ANGPTL5: variants seen among roughly 807,000 people sequenced by gnomAD.
ANGPTL5 encodes the protein angiopoietin-related protein 5.
ANGPTL5 carries 34 observed loss-of-function variants against 39.4 expected under a neutral mutation model. The observed-to-expected ratio is 0.86, with a 90% confidence interval of 0.66 to 1.15. The LOEUF (loss-of-function observed/expected upper bound fraction) is 1.15. Ranked by LOEUF, ANGPTL5 falls within the 50% of genes most tolerant of loss-of-function variation. The pLI is 0.00. For missense variants in ANGPTL5, 467 were observed against 457.5 expected, an observed-to-expected ratio of 1.02 and a Z score of -0.19; for synonymous variants, 146 against 152.1, an observed-to-expected ratio of 0.96 and a Z score of 0.29.
At position 101,907,805 on chromosome 11, in the gene ANGPTL5, A is replaced by T; in HGVS notation, c.96+9T>A. On this transcript the variant is annotated intron_variant, in intron 2 of 8. Transcript: ENST00000334289. ...TTCCTAGCTAATATAATATTGCTAA[A>T]ATTCTTACCGTAGAATGATGTACAC... is the stretch of plus-strand genomic sequence containing the variant. 1 of 1,564,176 alleles carries T rather than the reference A, an allele frequency of 6.4e-7. No homozygotes were observed. Among genetic ancestry groups the T allele is most frequent in the Non-Finnish European group, 8.8e-7 (1 of 1,135,532 alleles).
intron 5 of ANGPTL5, 84 bp from the exon 6 acceptor site, chr11:101,902,805 A>G: frequency 2.6e-6 from 2 of 784,310 alleles, no homozygotes; most frequent in South Asian, 3.5e-5. Context: ...TGATAGTGCT[A>G]TTATCATAAT....
At chr11:101,911,299 T>A (rs1288130566) in intron 1 of ANGPTL5, among the ~76,000 whole-genome samples, 1 of 151,498 alleles carries the variant, frequency 6.6e-6, no homozygotes, top group Non-Finnish European at 1.5e-5. Context: ...AATTTTTGTG[T>A]TTTTAGTAGA....
intron 3 of ANGPTL5, 94 bp downstream of exon 3, chr11:101,907,009 T>A: frequency 1.0e-6 from 1 of 968,946 alleles, no homozygotes. Context: ...GTATAGAAAA[T>A]GACCCAGACA....
chr11:101,893,269 C>G (rs2137049174), intron 8 of ANGPTL5, among the ~76,000 whole-genome samples: 1 of 152,270 alleles, frequency 6.6e-6, no homozygotes, highest in East Asian at 1.9e-4. Context: ...AGACATTTAT[C>G]TCAAGTCTTA....
chr11:101,913,815 C>T (rs1033920538), intron 1 of ANGPTL5, among the ~76,000 whole-genome samples: 2 of 152,194 alleles, frequency 1.3e-5, no homozygotes, highest in Admixed American at 6.5e-5. Context: ...GGGAGACAAA[C>T]GTGTGATGAC....
chr11:101,904,800 A>G lies in ANGPTL5; in HGVS notation c.439+14T>C. On this transcript the variant is annotated intron_variant, in intron 5 of 8. Transcript: ENST00000334289. ...AAGACAAACATGAAAAGGCTGAAAT[A>G]CCAAAGTTCTCACCATGTGACTGAA... 1 of 1,605,368 alleles carries G rather than the reference A, an allele frequency of 6.2e-7. No homozygotes were observed. Among genetic ancestry groups the G allele is most frequent in the Non-Finnish European group, 8.5e-7 (1 of 1,172,110 alleles).
In ANGPTL5 at chr11:101,902,686, A is replaced by G; in HGVS notation, c.475T>C (p.Ser159Pro). 1.2e-6 allele frequency: 2 copies of G among 1,611,620 alleles called. No homozygotes were observed. Among genetic ancestry groups the G allele is most frequent in the Non-Finnish European group, 1.7e-6 (2 of 1,178,242 alleles). ...DCTDIKDTIG[S>P]VTKTPSGLYI... ...AAACCACTCGGTGTTTTGGTGACAGAGCCAATGGTATCCTTAATATCAGTG... is the reference window on the plus strand; with the variant it reads ...AAACCACTCGGTGTTTTGGTGACAGGGCCAATGGTATCCTTAATATCAGTG... The change falls in exon 6 of 9, where the codon TCT becomes CCT. Residue 159 changes from serine (S) to proline (P), a missense_variant. Transcript: ENST00000334289.
chr11:101,900,914 C>G (rs1373661961), intron 6 of ANGPTL5, among the ~76,000 whole-genome samples: 1 of 151,468 alleles, frequency 6.6e-6, no homozygotes. Flanking sequence ...TGCAGTGGCG[C>G]GATCCCGGCT....
At chr11:101,898,741 T>G (rs1225792792) in intron 7 of ANGPTL5, among the ~76,000 whole-genome samples, 2 of 152,242 alleles carry the variant, frequency 1.3e-5, no homozygotes, top group Non-Finnish European at 2.9e-5. Context: ...AAGGGAATGC[T>G]TCCAGCTTTT....
chr11:101,899,962 G>A (rs921636054), intron 7 of ANGPTL5, among the ~76,000 whole-genome samples: 2 of 152,148 alleles, frequency 1.3e-5, no homozygotes, highest in Non-Finnish European at 2.9e-5. Flanking sequence ...CAAATTTTGA[G>A]CATAATGATG....
At chr11:101,910,279 G>A (rs1027641067) in intron 1 of ANGPTL5, among the ~76,000 whole-genome samples, 2 of 151,538 alleles carry the variant, frequency 1.3e-5, no homozygotes, top group South Asian at 2.1e-4. Context: ...GCGTGGTGGC[G>A]CATGCCTGTA....
intron 6 of ANGPTL5, among the ~76,000 whole-genome samples, chr11:101,901,275 T>C (rs1939894907): frequency 3.9e-5 from 6 of 151,914 alleles, no homozygotes. Flanking sequence ...GAGCAATGTA[T>C]TTCTCTATAA....
chr11:101,901,015 CTT>C (rs34425298), intron 6 of ANGPTL5, among the ~76,000 whole-genome samples: 7,439 of 98,582 alleles, frequency 0.075, 309 homozygotes, highest in East Asian at 0.27. Flanking sequence ...GCACCCCCGG[CTT>C]TTTTTTTTTT....
intron 7 of ANGPTL5, among the ~76,000 whole-genome samples, chr11:101,895,397 TAGAA>T (rs1195414246): frequency 1.3e-5 from 2 of 152,138 alleles, no homozygotes; most frequent in African/African-American, 4.8e-5. Flanking sequence ...AAGAATAAAA[TAGAA>T]AGTCAAATTT....
At position 101,891,496 on chromosome 11, in the gene ANGPTL5, T is replaced by C. The variant is rs1939695211; in HGVS notation, c.950A>G (p.Asn317Ser). The change falls in exon 9 of 9, where the codon AAT becomes AGT. Residue 317 changes from asparagine (N) to serine (S), a missense_variant. Coordinates refer to ENST00000334289, the MANE Select transcript of ANGPTL5 (RefSeq NM_178127.5). Reference protein sequence around the residue: ...NDGCRPACLVNGQSVKSCSHL... With the variant: ...NDGCRPACLVSGQSVKSCSHL... ...ACTGCAGCTCTTCACAGACTGACCA[T>C]TGACCAGGCATGCAGGGCGACACCC... The C allele has an allele frequency of 1.2e-6, 2 of 1,614,084 alleles. No homozygotes were observed. The highest frequency in any genetic ancestry group is 1.1e-5 in the South Asian group (1 of 91,076).
intron 7 of ANGPTL5, among the ~76,000 whole-genome samples, chr11:101,900,133 G>A (rs189884690): frequency 2.6e-5 from 4 of 152,230 alleles, no homozygotes; most frequent in Non-Finnish European, 4.4e-5. Context: ...TCTGCAAACC[G>A]TTGGTGAGCA....
At chr11:101,910,766 C>T (rs1388596476) in intron 1 of ANGPTL5, among the ~76,000 whole-genome samples, 1 of 152,110 alleles carries the variant, frequency 6.6e-6, no homozygotes, top group Non-Finnish European at 1.5e-5. Flanking sequence ...AAACTGTAAA[C>T]ATTTCTTGCC....
intron 5 of ANGPTL5, among the ~76,000 whole-genome samples, chr11:101,903,838 A>G (rs1183498608): frequency 6.6e-6 from 1 of 152,104 alleles, no homozygotes; most frequent in Non-Finnish European, 1.5e-5. Context: ...GATGATGATG[A>G]TCATAGCAAG....
chr11:101,902,796 G>T, intron 5 of ANGPTL5, 75 bp from the exon 6 acceptor site: 1 of 889,654 alleles, frequency 1.1e-6, no homozygotes, highest in Non-Finnish European at 1.8e-6. Context: ...ATAGAGAATT[G>T]ATAGTGCTAT....
Sources: gnomAD v4.1 joint callset for allele counts (sites outside exome capture counted in the v4.1 genomes callset) on GRCh38, gnomAD v4.1.1 for gene constraint, MANE v1.5 for transcripts, NCBI Gene and HGNC (gene_info 2026-07-23, HGNC 2026-07-21) for gene names.